Variants in PTPRD observed in about 807,000 individuals in gnomAD.
The protein encoded by PTPRD is protein tyrosine phosphatase receptor type D, also known as receptor-type tyrosine-protein phosphatase delta.
Under a neutral mutation model 214.5 loss-of-function variants are expected in PTPRD, and 34 were observed. The ratio of observed to expected loss-of-function variants is 0.16; its 90% confidence interval spans 0.12 to 0.21. PTPRD has a LOEUF of 0.21. PTPRD is among the 10% of genes least tolerant of loss of function. The pLI is 1.00. For synonymous variants in PTPRD, 1,128 were observed against 845.7 expected, an observed-to-expected ratio of 1.33 and a Z score of -5.79; for missense variants, 2,545 against 2,398.7, an observed-to-expected ratio of 1.06 and a Z score of -1.27.
chr9:9,992,077 C>A (rs2095955948), intron 4 of PTPRD, among the ~76,000 whole-genome samples: 1 of 152,118 alleles, frequency 6.6e-6, no homozygotes, highest in Non-Finnish European at 1.5e-5. Flanking sequence ...TCGTGATTGT[C>A]TAGACCTGGA....
intron 3 of PTPRD, among the ~76,000 whole-genome samples, chr9:10,295,410 C>A (rs1242095297): frequency 6.6e-6 from 1 of 152,040 alleles, no homozygotes; most frequent in Non-Finnish European, 1.5e-5. Context: ...AGAATATCAA[C>A]TACCATCATT....
At chr9:10,019,555 A>G (rs946903398) in intron 4 of PTPRD, among the ~76,000 whole-genome samples, 1 of 152,222 alleles carries the variant, frequency 6.6e-6, no homozygotes, top group African/African-American at 2.4e-5. Flanking sequence ...AGACTGGATT[A>G]AGAAAATGTG....
At chr9:8,960,862 G>A (rs1030882010) in intron 11 of PTPRD, among the ~76,000 whole-genome samples, 3 of 152,116 alleles carry the variant, frequency 2.0e-5, no homozygotes, top group East Asian at 1.9e-4. Context: ...TGAGGTAATG[G>A]ATAAGAAAGC....
chr9:9,330,468 A>G (rs952212884), intron 9 of PTPRD, among the ~76,000 whole-genome samples: 2 of 152,136 alleles, frequency 1.3e-5, no homozygotes, highest in Non-Finnish European at 1.5e-5. Flanking sequence ...ATGACTTCCC[A>G]TCGAGCAATT....
intron 7 of PTPRD, among the ~76,000 whole-genome samples, chr9:9,629,627 G>C (rs1422045008): frequency 6.6e-6 from 1 of 152,180 alleles, no homozygotes; most frequent in African/African-American, 2.4e-5. Context: ...AGGAGTGACA[G>C]ATCAGATAAC....
intron 4 of PTPRD, among the ~76,000 whole-genome samples, chr9:9,998,973 T>G (rs1243925550): frequency 6.6e-6 from 1 of 152,118 alleles, no homozygotes; most frequent in Non-Finnish European, 1.5e-5. Flanking sequence ...ATAGCAGGGA[T>G]GCATTGCAGG....
At chr9:8,383,462 T>C (rs1028571872) in intron 37 of PTPRD, among the ~76,000 whole-genome samples, 2 of 152,182 alleles carry the variant, frequency 1.3e-5, no homozygotes, top group South Asian at 2.1e-4. Flanking sequence ...CAAAATTTAG[T>C]AGGGCAGGAA....
intron 12 of PTPRD, among the ~76,000 whole-genome samples, chr9:8,732,254 T>C (rs1478952501): frequency 6.6e-6 from 1 of 152,228 alleles, no homozygotes; most frequent in Non-Finnish European, 1.5e-5. Context: ...AAGAACATTT[T>C]TAGTTATCTG....
intron 12 of PTPRD, among the ~76,000 whole-genome samples, chr9:8,670,256 C>T (rs756544848): frequency 2.6e-5 from 4 of 152,042 alleles, no homozygotes; most frequent in Admixed American, 6.5e-5. Flanking sequence ...TAGACTTGTT[C>T]GTCCTATATA....
intron 2 of PTPRD, among the ~76,000 whole-genome samples, chr9:10,592,094 C>G (rs117599052): frequency 7.9e-5 from 12 of 152,162 alleles, no homozygotes; most frequent in Non-Finnish European, 1.3e-4. Flanking sequence ...GAACAAAACA[C>G]AGAAACTCTA....
chr9:9,711,754 A>C (rs890095088), intron 7 of PTPRD, among the ~76,000 whole-genome samples: 4 of 152,200 alleles, frequency 2.6e-5, no homozygotes, highest in Admixed American at 1.3e-4. Context: ...TAATATATAT[A>C]GCATGACCTT....
intron 3 of PTPRD, among the ~76,000 whole-genome samples, chr9:10,258,051 T>A (rs963687021): frequency 1.3e-5 from 2 of 152,050 alleles, no homozygotes; most frequent in Admixed American, 1.3e-4. Context: ...GGAGAGAAAG[T>A]GAGTCAGTCG....
intron 44 of PTPRD, among the ~76,000 whole-genome samples, chr9:8,324,329 T>C (rs11536769): frequency 6.6e-6 from 1 of 151,974 alleles, no homozygotes. Context: ...CCACTCCCAC[T>C]TATAAGTGAG....
At chr9:8,556,894 G>C (rs942528853) in intron 14 of PTPRD, among the ~76,000 whole-genome samples, 1 of 152,056 alleles carries the variant, frequency 6.6e-6, no homozygotes, top group Non-Finnish European at 1.5e-5. Flanking sequence ...GAATTAGAAA[G>C]ACAAGCCAAT....
rs117144432 is a variant in PTPRD, at chr9:9,635,448, G to T, written c.-286-60667C>A. Reference sequence around the variant, plus strand: ...CTTCCTATAGAAACAGCTTCTGGCTGGACACTCAATGATTTCACATGGACC... The same window carrying T: ...CTTCCTATAGAAACAGCTTCTGGCTTGACACTCAATGATTTCACATGGACC... On this transcript the variant is annotated intron_variant, in intron 7 of 45. Coordinates refer to ENST00000381196, the MANE Select transcript of PTPRD (RefSeq NM_002839.4). 3.9e-5 allele frequency among the ~76,000 whole-genome samples: 6 copies of T among 152,234 alleles called. No homozygotes were observed. The East Asian group carries it at 1.2e-3, about 29-fold the overall frequency.
At chr9:9,934,615 A>C (rs527795883) in intron 5 of PTPRD, among the ~76,000 whole-genome samples, 2 of 151,364 alleles carry the variant, frequency 1.3e-5, no homozygotes, top group South Asian at 2.1e-4. Flanking sequence ...GTCCAGGACC[A>C]GATGGATTCA....
chr9:10,389,066 A>T (rs2097994288), intron 2 of PTPRD, among the ~76,000 whole-genome samples: 1 of 151,894 alleles, frequency 6.6e-6, no homozygotes, highest in Admixed American at 6.6e-5. Flanking sequence ...TGTCAGAGAA[A>T]TGGAACGTGG....
chr9:10,324,085 C>A (rs1406535905), intron 3 of PTPRD, among the ~76,000 whole-genome samples: 1 of 151,952 alleles, frequency 6.6e-6, no homozygotes, highest in Non-Finnish European at 1.5e-5. Context: ...ATAAAGCAAA[C>A]CCTTTGTAAA....
At chr9:8,359,364 G>T (rs1185102846) in intron 39 of PTPRD, among the ~76,000 whole-genome samples, 3 of 151,806 alleles carry the variant, frequency 2.0e-5, no homozygotes, top group Non-Finnish European at 4.4e-5. Flanking sequence ...TCGCTCTGTT[G>T]CCCAGGCTGG....
Sources: gnomAD v4.1 joint callset for allele counts (sites outside exome capture counted in the v4.1 genomes callset) on GRCh38, gnomAD v4.1.1 for gene constraint, MANE v1.5 for transcripts, NCBI Gene and HGNC (gene_info 2026-07-23, HGNC 2026-07-21) for gene names.